Variants in OBSL1 observed in about 807,000 individuals in gnomAD.
OBSL1 encodes obscurin like cytoskeletal adaptor 1.
In OBSL1, 160 loss-of-function variants were observed where a neutral mutation model predicts 172.0. The observed-to-expected ratio is 0.93, with a 90% CI of 0.82 to 1.06. The LOEUF is 1.06. Ranked by LOEUF, OBSL1 falls within the 50% of genes least tolerant of loss-of-function variation. The pLI is 0.00. For synonymous variants in OBSL1, 1,200 were observed against 1,196.3 expected (o/e 1.00, Z -0.06); for missense variants, 2,681 against 2,715.4 (o/e 0.99, Z 0.28).
chr2:219,553,632 T>C lies in OBSL1; in HGVS notation c.4931A>G (p.Asp1644Gly). The part of the protein sequence containing the change: ...GPHDLEVTEG[D>G]TATFECELSQ... ...AAGCTCGCACTCGAACGTAGCTGTG[T>C]CGCCCTCGGTCACCTCTAGGTCGTG... Residue 1644 changes from aspartate to glycine, a missense_variant, in exon 16 of 21, where the codon GAC (aspartate) becomes GGC (glycine). Around this residue, in one of 5 missense-constraint regions of OBSL1, gnomAD observed 1,765 missense variants for 1,748.3 expected, o/e 1.01. Coordinates refer to ENST00000404537, the MANE Select transcript of OBSL1 (RefSeq NM_015311.3). 2 of 1,613,912 alleles carry C rather than the reference T, an allele frequency of 1.2e-6. No homozygotes were observed. Among genetic ancestry groups the C allele is most frequent in the Non-Finnish European group, 1.7e-6 (2 of 1,179,886 alleles).
At chr2:219,560,879 C>T (rs1474500051) in intron 8 of OBSL1, among the ~76,000 whole-genome samples, 2 of 152,156 alleles carry the variant, frequency 1.3e-5, no homozygotes, top group African/African-American at 2.4e-5. Flanking sequence ...GTGATGGGAC[C>T]GGGTGGCTGC....
chr2:219,554,221 A>T, intron 15 of OBSL1: 1 of 564,602 alleles, frequency 1.8e-6, no homozygotes, highest in Non-Finnish European at 3.2e-6. Flanking sequence ...ACAATGGCAA[A>T]GGCATGCTCT....
chr2:219,551,410 T>G, intron 20 of OBSL1, 119 bp downstream of exon 20: 3 of 1,210,476 alleles, frequency 2.5e-6, no homozygotes, highest in Non-Finnish European at 3.3e-6. Flanking sequence ...CCCCACCTCC[T>G]ACGTATCCCA....
chr2:219,558,514 C>T (rs1696212759), intron 9 of OBSL1, 55 bp from the exon 10 acceptor site: 1 of 1,485,888 alleles, frequency 6.7e-7, no homozygotes, highest in Non-Finnish European at 9.0e-7. Context: ...GCCTCTCCTG[C>T]CTCACCCGCC....
In OBSL1 at chr2:219,568,337, G is replaced by T; in HGVS notation, c.1013-13C>A. The T allele has an allele frequency of 6.3e-7, 1 of 1,592,050 alleles. No individual in the cohort carries two copies. On this transcript the variant is annotated splice_polypyrimidine_tract_variant and intron_variant, in intron 1 of 20. Transcript: ENST00000404537. This position sits in a 1 kb window ranked among gnomAD's most constrained non-coding sequence, Gnocchi z 4.1. The stretch of plus-strand genomic sequence containing the variant: ...CGGAGGCGGGGCTCTGTGGAGAGGG[G>T]AGAGAGAGACAAGAGAGGGCTCTGG...
intron 12 of OBSL1, chr2:219,556,957 A>G (rs1330934896): frequency 3.7e-6 from 2 of 534,214 alleles, no homozygotes; most frequent in Non-Finnish European, 6.6e-6. Context: ...GCACCCTAAT[A>G]ATATCAATTA....
At chr2:219,549,967 G>A (rs1046438848), downstream of OBSL1, 3 of 1,400,564 alleles carry the variant, frequency 2.1e-6, no homozygotes, top group Admixed American at 4.2e-5. Flanking sequence ...GCCTGGAGAG[G>A]GCTGGCCTGG....
In OBSL1 at chr2:219,552,902, CG is replaced by C; in HGVS notation, c.5111del (p.Thr1704ArgfsTer9). The C allele has an allele frequency of 6.5e-7, 1 of 1,540,450 alleles. No homozygotes were observed. Among genetic ancestry groups the C allele is most frequent in the Non-Finnish European group, 8.7e-7 (1 of 1,145,200 alleles). ...DAGTYSCAVG[T>X]ARAGPVRLTV... is the part of the protein sequence containing the mutation. ...TCAGGCGGACCGGTCCGGCGCGGGC[CG>C]TCCCCACCGCGCAGCTGTAGGTCCC... On this transcript the variant is annotated frameshift_variant, in exon 17 of 21. Coordinates refer to ENST00000404537, the MANE Select transcript of OBSL1 (RefSeq NM_015311.3). LOFTEE classifies it high-confidence loss of function.
In OBSL1 at chr2:219,570,704, A is replaced by T. The variant is rs1434724403; in HGVS notation, c.529T>A (p.Phe177Ile). 5 of 1,509,500 alleles carry T rather than the reference A, an allele frequency of 3.3e-6. No individual in the cohort carries two copies. The highest frequency in any genetic ancestry group is 4.4e-6 in the Non-Finnish European group (5 of 1,135,568). 93.5% of individuals were successfully genotyped at this position (1,509,500 alleles called of 1,614,324 possible). The change falls in exon 1 of 21, where the codon TTC (phenylalanine) becomes ATC (isoleucine). Residue 177 changes from phenylalanine (F) to isoleucine (I), a missense_variant. Phe to Ile is a conservative substitution (Grantham distance 21). Around this residue, in one of 5 missense-constraint regions of OBSL1, gnomAD observed 706 missense variants for 695.8 expected, o/e 1.01. Coordinates refer to ENST00000404537, the MANE Select transcript of OBSL1 (RefSeq NM_015311.3). Reference protein sequence around the residue: ...ALDEVWDSSHFALQPGRAEDG... With the variant: ...ALDEVWDSSHIALQPGRAEDG... ...TCGGCGCGGCCCGGCTGGAGCGCGA[A>T]GTGGCTGCTGTCCCACACTTCGTCC... is the stretch of plus-strand genomic sequence containing the variant.
At chr2:219,550,030 CCTCCCAAG>C, downstream of OBSL1, 1 of 854,412 alleles carries the variant, frequency 1.2e-6, no homozygotes. Context: ...AGGAAAGCCC[CCTCCCAAG>C]CTCCCAAGAG....
chr2:219,562,137 T>C, intron 8 of OBSL1: 1 of 668,550 alleles, frequency 1.5e-6, no homozygotes, highest in East Asian at 2.7e-5. Flanking sequence ...GTATTTGCAT[T>C]ACTCACCTGC....
intron 14 of OBSL1, chr2:219,555,071 A>G (rs1199113708): frequency 1.2e-5 from 4 of 345,962 alleles, no homozygotes; most frequent in Admixed American, 4.2e-5. Context: ...GCTCTACCAC[A>G]TAGTTTGTGT....
chr2:219,568,107 G>A lies in OBSL1; in HGVS notation c.1230C>T (p.Tyr410=). The A allele has an allele frequency of 6.2e-7, 1 of 1,613,796 alleles. No homozygotes were observed. The highest frequency in any genetic ancestry group is 8.5e-7 in the Non-Finnish European group (1 of 1,179,882). ...GCACCCGGCCCCGCATCTCGCACAG[G>A]TAGATACCATCATCGTCTGCCTTCA... ...HRLKADDDGI[Y]LCEMRGRVRT... is the part of the protein sequence containing the mutation. Residue 410 remains tyrosine, a synonymous_variant, in exon 2 of 21, where the codon TAC becomes TAT. Coordinates refer to ENST00000404537, the MANE Select transcript of OBSL1 (RefSeq NM_015311.3). The surrounding 1 kb of genome is among the most constrained non-coding windows in gnomAD (Gnocchi z 4.1).
In OBSL1 at chr2:219,559,438, C is replaced by G. The variant is rs1559143029; in HGVS notation, c.3013G>C (p.Glu1005Gln). ...AGTTCACACATCAGCACCACACACTCCAAGGTCACGGCGATCAAGGTCACC... is the reference window on the plus strand; with the variant it reads ...AGTTCACACATCAGCACCACACACTGCAAGGTCACGGCGATCAAGGTCACC... ...DEVTLIAVTL[E>Q]CVVLMCELSR... Residue 1005 changes from glutamate to glutamine, a missense_variant, in exon 9 of 21, where the codon GAG becomes CAG. Around this residue, in one of 5 missense-constraint regions of OBSL1, gnomAD observed 1,765 missense variants for 1,748.3 expected, o/e 1.01. Coordinates refer to ENST00000404537, the MANE Select transcript of OBSL1 (RefSeq NM_015311.3). The G allele has an allele frequency of 6.2e-7, 1 of 1,613,838 alleles. No individual in the cohort carries two copies. The highest frequency in any genetic ancestry group is 2.2e-5 in the East Asian group (1 of 44,876).
chr2:219,562,986 AGGGTTGGGGGGAGGAGCTGG>A (rs1264861977), intron 7 of OBSL1: 2 of 479,532 alleles, frequency 4.2e-6, no homozygotes, highest in African/African-American at 1.9e-5. Flanking sequence ...TGATGAGAGG[AGGGTTGGGGGGAGGAGCTGG>A]GGGTCTCCTC....
Position 219,556,378 on chromosome 2 carries a change from G to A in OBSL1, c.4336+76C>T, listed in dbSNP as rs959175780. On this transcript the variant is annotated intron_variant, in intron 13 of 20. Coordinates refer to ENST00000404537, the MANE Select transcript of OBSL1 (RefSeq NM_015311.3). ...TCCCACTGGTCTGTCCCTAGGTGGA[G>A]AGGCAAGGCTGCTGGAATCCTGGTT... 24 of 1,588,160 alleles carry A rather than the reference G, an allele frequency of 1.5e-5. No individual in the cohort carries two copies. The African/African-American group carries it at 3.1e-4, about 20-fold the overall frequency.
chr2:219,561,641 C>T (rs112802083), intron 8 of OBSL1: 1 of 378,984 alleles, frequency 2.6e-6, no homozygotes, highest in South Asian at 2.5e-5. Context: ...GACTTTCTCC[C>T]AGGCCTCCCT....
downstream of OBSL1, chr2:219,548,095 G>C (rs751603729): frequency 9.2e-6 from 14 of 1,519,156 alleles, no homozygotes; most frequent in South Asian, 8.8e-5. Context: ...AGGGGGCACA[G>C]GCCAAGGTGG....
Position 219,552,924 on chromosome 2 carries a change from G to C in OBSL1, c.5090C>G (p.Thr1697Ser). ...LRRCGPSDAGTYSCAVGTARA... is the reference protein window; with the variant it reads ...LRRCGPSDAGSYSCAVGTARA... ...GGCCGTCCCCACCGCGCAGCTGTAG[G>C]TCCCGGCGTCCGAGGGGCCGCAGCG... The change falls in exon 17 of 21, where the codon ACC (threonine) becomes AGC (serine). Residue 1697 changes from threonine to serine, a missense_variant. By Grantham distance (58) the Thr-to-Ser change is moderately conservative (BLOSUM62 1). Transcript: ENST00000404537. 6.5e-7 allele frequency: 1 copy of C among 1,537,734 alleles called. No individual in the cohort carries two copies. The highest frequency in any genetic ancestry group is 1.7e-4 in the Middle Eastern group (1 of 5,842).
Sources: allele counts gnomAD v4.1 joint callset (sites outside exome capture counted in the v4.1 genomes callset), GRCh38; gene constraint gnomAD v4.1.1; regional missense constraint gnomAD v4.1.1; non-coding constraint Gnocchi (gnomAD v3.1); transcripts MANE v1.5; gene names NCBI Gene and HGNC (gene_info 2026-07-23, HGNC 2026-07-21).